KLHL2: variants seen among roughly 807,000 people sequenced by gnomAD.
The protein encoded by KLHL2 is kelch-like protein 2.
KLHL2 carries 15 observed loss-of-function variants against 75.8 expected under a neutral mutation model. That is an observed-to-expected ratio of 0.20 (90% CI 0.13 to 0.30). KLHL2 has a LOEUF of 0.30. KLHL2 is among the 10% of genes least tolerant of loss of function. The pLI is 1.00. For missense variants in KLHL2, 381 were observed against 741.0 expected (o/e 0.51, Z 5.64); for synonymous variants, 214 against 251.9 (o/e 0.85, Z 1.42).
At chr4:165,265,782 T>C (rs973828150) in intron 5 of KLHL2, among the ~76,000 whole-genome samples, 1 of 152,054 alleles carries the variant, frequency 6.6e-6, no homozygotes, top group African/African-American at 2.4e-5. Flanking sequence ...GCAATAAACA[T>C]GTGTGCGTGT....
intron 5 of KLHL2, among the ~76,000 whole-genome samples, chr4:165,264,747 T>TATAC (rs1553958088): frequency 1.2e-5 from 1 of 83,734 alleles, no homozygotes; most frequent in Non-Finnish European, 2.2e-5. Context: ...TATGTATATA[T>TATAC]ATATATATAT....
intron 4 of KLHL2, among the ~76,000 whole-genome samples, chr4:165,255,145 G>T (rs1741062097): frequency 6.6e-6 from 1 of 152,206 alleles, no homozygotes; most frequent in Non-Finnish European, 1.5e-5. Context: ...CTGGAAAAAG[G>T]ATAGTGTAGG....
chr4:165,270,586 A>G lies in KLHL2; in HGVS notation c.544+7227A>G, dbSNP rs182326249. ...TTCTTCCAACAGGCCCCTCAGCTGC[A>G]GGTCTGTTGGAGTTTGCTGGAGGTC... On this transcript the variant is annotated intron_variant, in intron 5 of 14. Transcript: ENST00000226725. Among the ~76,000 whole-genome samples the G allele has an allele frequency of 3.8e-3, 572 of 152,254 alleles. 5 individuals carry two copies. The highest frequency in any genetic ancestry group is 0.013 in the African/African-American group (553 of 41,546).
chr4:165,297,218 T>A (rs1023792553), intron 6 of KLHL2, among the ~76,000 whole-genome samples: 6 of 152,078 alleles, frequency 3.9e-5, no homozygotes, highest in Admixed American at 2.6e-4. Flanking sequence ...TAAAAAAAAA[T>A]TTCAAAATAC....
At chr4:165,306,876 T>C (rs1745767221) in intron 9 of KLHL2, among the ~76,000 whole-genome samples, 1 of 152,278 alleles carries the variant, frequency 6.6e-6, no homozygotes, top group South Asian at 2.1e-4. Context: ...GTAAAAACTT[T>C]ATCTTTTAAT....
Position 165,277,656 on chromosome 4 carries a change from G to A in KLHL2, c.544+14297G>A, listed in dbSNP as rs190220318. ...CCAATGGTGAGGATCTGAATTCTTCGTACATCTTAGAGGGAATGGAGCAGG... is the reference window on the plus strand; with the variant it reads ...CCAATGGTGAGGATCTGAATTCTTCATACATCTTAGAGGGAATGGAGCAGG... On this transcript the variant is annotated intron_variant, in intron 5 of 14. Transcript: ENST00000226725. Among the ~76,000 whole-genome samples, 17 of 152,086 alleles carry A rather than the reference G, an allele frequency of 1.1e-4. No homozygotes were observed. In the East Asian group the frequency reaches 1.2e-3, roughly 10 times the overall value.
At chr4:165,293,803 A>G (rs908260909) in intron 5 of KLHL2, among the ~76,000 whole-genome samples, 2 of 151,654 alleles carry the variant, frequency 1.3e-5, no homozygotes, top group South Asian at 4.2e-4. Flanking sequence ...GGCATGAGCC[A>G]CTGCGCCCGG....
intron 4 of KLHL2, among the ~76,000 whole-genome samples, chr4:165,252,282 G>A (rs1209713706): frequency 2.6e-5 from 4 of 151,770 alleles, no homozygotes; most frequent in African/African-American, 9.7e-5. Flanking sequence ...GTGTGGGATA[G>A]CACATTTGTA....
chr4:165,315,144 A>G (rs1262468995), intron 13 of KLHL2, among the ~76,000 whole-genome samples: 1 of 152,194 alleles, frequency 6.6e-6, no homozygotes, highest in Non-Finnish European at 1.5e-5. Flanking sequence ...TGACTCCAGT[A>G]TACATTAAGT....
rs750922251 is a variant in KLHL2, at chr4:165,224,067, G to A, written c.152+4008G>A. On this transcript the variant is annotated intron_variant, in intron 2 of 14. Coordinates refer to ENST00000226725, the MANE Select transcript of KLHL2 (RefSeq NM_007246.4). The stretch of plus-strand genomic sequence containing the variant: ...GTAGCTGGGATTACAGGTGCGTGCC[G>A]TCACACCCAGCTAATTTTTTATATT... The A allele has an allele frequency of 9.4e-4, 240 of 255,446 alleles. 1 individual carries two copies. The highest frequency in any genetic ancestry group is 4.8e-3 in the African/African-American group (202 of 42,348). 15.8% of individuals were successfully genotyped at this position (255,446 alleles called of 1,614,324 possible).
chr4:165,260,093 C>G (rs1741526116), intron 4 of KLHL2, among the ~76,000 whole-genome samples: 1 of 151,684 alleles, frequency 6.6e-6, no homozygotes, highest in Admixed American at 6.6e-5. Flanking sequence ...TTTTCATTAT[C>G]AGTGACTGAT....
chr4:165,307,013 A>T (rs1268218092), intron 9 of KLHL2, among the ~76,000 whole-genome samples: 1 of 152,120 alleles, frequency 6.6e-6, no homozygotes, highest in Non-Finnish European at 1.5e-5. Flanking sequence ...CATATTTTTT[A>T]AAAACTTTAT....
chr4:165,295,808 G>T (rs1051178663), intron 6 of KLHL2, among the ~76,000 whole-genome samples: 3 of 152,168 alleles, frequency 2.0e-5, no homozygotes, highest in Non-Finnish European at 4.4e-5. Context: ...TGGGAGTTTA[G>T]AATATGAGAC....
chr4:165,246,319 CAA>C (rs1485897678), intron 4 of KLHL2, among the ~76,000 whole-genome samples: 1 of 151,976 alleles, frequency 6.6e-6, no homozygotes, highest in Non-Finnish European at 1.5e-5. Flanking sequence ...TAGGGCCAGA[CAA>C]AGTGGGTTTG....
chr4:165,275,582 T>G (rs191049573), intron 5 of KLHL2, among the ~76,000 whole-genome samples: 1 of 152,194 alleles, frequency 6.6e-6, no homozygotes, highest in African/African-American at 2.4e-5. Context: ...TAACTGATCT[T>G]TGGGGAAGTT....
intron 14 of KLHL2, among the ~76,000 whole-genome samples, chr4:165,321,719 A>G (rs1024853240): frequency 6.6e-6 from 1 of 152,202 alleles, no homozygotes; most frequent in Admixed American, 6.5e-5. Context: ...CACAATCAAG[A>G]TAATGAACAT....
At position 165,223,509 on chromosome 4, in the gene KLHL2, G is replaced by A. The variant is rs780675031; in HGVS notation, c.152+3450G>A. On this transcript the variant is annotated intron_variant, in intron 2 of 14. Transcript: ENST00000226725. Reference sequence around the variant, plus strand: ...TGCACAAGCCAGGGAGGGAATAAACGTCATCTGTTGGATAAAGTGAATCAA... The same window carrying A: ...TGCACAAGCCAGGGAGGGAATAAACATCATCTGTTGGATAAAGTGAATCAA... 5.0e-4 allele frequency among the ~76,000 whole-genome samples: 76 copies of A among 152,170 alleles called. 1 individual carries two copies. Among genetic ancestry groups the A allele is most frequent in the Non-Finnish European group, 9.4e-4 (64 of 68,030 alleles).
At chr4:165,297,456 C>T (rs1745001980) in intron 6 of KLHL2, among the ~76,000 whole-genome samples, 153 bp from the exon 7 acceptor site, 1 of 151,504 alleles carries the variant, frequency 6.6e-6, no homozygotes, top group South Asian at 2.1e-4. Context: ...TTTGTAAGTA[C>T]ATTGCAAGTC....
chr4:165,258,453 A>G (rs1365408163), intron 4 of KLHL2, among the ~76,000 whole-genome samples: 2 of 150,458 alleles, frequency 1.3e-5, no homozygotes, highest in Non-Finnish European at 3.0e-5. Context: ...AATCAATCTC[A>G]GGGTTAACAC....
Sources: allele counts gnomAD v4.1 joint callset (sites outside exome capture counted in the v4.1 genomes callset), GRCh38; gene constraint gnomAD v4.1.1; transcripts MANE v1.5; gene names NCBI Gene and HGNC (gene_info 2026-07-23, HGNC 2026-07-21).